Variants in SPIDR observed in about 807,000 individuals in gnomAD.
SPIDR encodes scaffold protein involved in DNA repair.
In SPIDR, 93 loss-of-function variants were observed where a neutral mutation model predicts 104.6. That is an observed-to-expected ratio of 0.89 (90% confidence interval 0.75 to 1.06). SPIDR has a LOEUF of 1.06. SPIDR is among the 50% of genes least tolerant of loss of function. The pLI is 0.00. For missense variants in SPIDR, 1,154 were observed against 1,111.2 expected, an observed-to-expected ratio of 1.04 and a Z score of -0.55; for synonymous variants, 431 against 416.9, an observed-to-expected ratio of 1.03 and a Z score of -0.41.
In SPIDR at chr8:47,427,549, A is replaced by T. The variant is rs1173592763; in HGVS notation, c.878-12774A>T. The stretch of plus-strand genomic sequence containing the variant: ...TAGTGATCCTTTTTCCTTGGACAAG[A>T]TTATCTGCCAACAGCCTGACAGGCT... On this transcript the variant is annotated intron_variant, in intron 7 of 19. Transcript: ENST00000297423. 2.6e-5 allele frequency among the ~76,000 whole-genome samples: 4 copies of T among 152,128 alleles called. No individual in the cohort carries two copies. In the East Asian group the frequency reaches 5.8e-4, roughly 22 times the overall value.
intron 3 of SPIDR, among the ~76,000 whole-genome samples, chr8:47,289,410 A>G (rs1326278150): frequency 2.0e-5 from 3 of 152,180 alleles, no homozygotes; most frequent in African/African-American, 4.8e-5. Flanking sequence ...TAAGATATAT[A>G]TGTACATATA....
intron 8 of SPIDR, among the ~76,000 whole-genome samples, chr8:47,459,038 A>G (rs2073497504): frequency 6.6e-6 from 1 of 152,048 alleles, no homozygotes; most frequent in African/African-American, 2.4e-5. Flanking sequence ...GGATGCGGTT[A>G]GCTAGTATTT....
chr8:47,382,075 G>A (rs943871865), intron 5 of SPIDR, among the ~76,000 whole-genome samples: 1 of 152,152 alleles, frequency 6.6e-6, no homozygotes, highest in Non-Finnish European at 1.5e-5. Context: ...ATTAAAGAAT[G>A]GTGTTTCATC....
intron 5 of SPIDR, among the ~76,000 whole-genome samples, chr8:47,300,152 A>G (rs1397194376): frequency 6.6e-6 from 1 of 152,168 alleles, no homozygotes; most frequent in African/African-American, 2.4e-5. Context: ...CCATTCAGAG[A>G]TTCAGCTTCT....
chr8:47,682,700 C>T (rs1373349869), intron 11 of SPIDR, among the ~76,000 whole-genome samples: 1 of 152,120 alleles, frequency 6.6e-6, no homozygotes, highest in African/African-American at 2.4e-5. Context: ...AACTTCTGGG[C>T]ATAATTCCAC....
At chr8:47,714,222 G>A (rs144319566) in intron 16 of SPIDR, among the ~76,000 whole-genome samples, 5 of 152,234 alleles carry the variant, frequency 3.3e-5, no homozygotes, top group Non-Finnish European at 7.4e-5. Flanking sequence ...GGGTGGCAGA[G>A]GTAGAGAAGG....
At chr8:47,639,561 C>T (rs550397739) in intron 10 of SPIDR, among the ~76,000 whole-genome samples, 11 of 151,844 alleles carry the variant, frequency 7.2e-5, no homozygotes, top group African/African-American at 2.2e-4. Context: ...TTCACTTCCA[C>T]GTATCAAATA....
At chr8:47,367,269 G>A (rs2057352576) in intron 5 of SPIDR, among the ~76,000 whole-genome samples, 1 of 152,202 alleles carries the variant, frequency 6.6e-6, no homozygotes, top group African/African-American at 2.4e-5. Flanking sequence ...TAGCCAACAA[G>A]GAAACAGGGA....
At chr8:47,719,729 C>T (rs993632252) in intron 16 of SPIDR, among the ~76,000 whole-genome samples, 12 of 151,954 alleles carry the variant, frequency 7.9e-5, no homozygotes, top group African/African-American at 2.9e-4. Flanking sequence ...CTCCTCACAC[C>T]CAGGGAAGCC....
chr8:47,471,474 G>A lies in SPIDR; in HGVS notation c.1097+30932G>A, dbSNP rs1042779653. 3.3e-5 allele frequency among the ~76,000 whole-genome samples: 5 copies of A among 152,190 alleles called. No homozygotes were observed. In the South Asian group the frequency reaches 6.2e-4, roughly 19 times the overall value. On this transcript the variant is annotated intron_variant, in intron 8 of 19. Coordinates refer to ENST00000297423, the MANE Select transcript of SPIDR (RefSeq NM_001080394.4). ...GGGTAATGCAAATCAAAGCCGCAAT[G>A]AAATACCACTTTTTGATCAAAGACC... is the stretch of plus-strand genomic sequence containing the variant.
chr8:47,663,077 T>A (rs1057169835), intron 10 of SPIDR, among the ~76,000 whole-genome samples: 17 of 152,208 alleles, frequency 1.1e-4, no homozygotes, highest in African/African-American at 3.4e-4. Flanking sequence ...CTAGCCTCCT[T>A]CCAGTTTCTC....
intron 6 of SPIDR, among the ~76,000 whole-genome samples, chr8:47,405,887 C>T (rs1351836744): frequency 6.6e-6 from 1 of 152,164 alleles, no homozygotes; most frequent in African/African-American, 2.4e-5. Flanking sequence ...GTGCATGTGA[C>T]TGGAATTCCC....
intron 7 of SPIDR, among the ~76,000 whole-genome samples, chr8:47,412,276 C>A (rs1439607657): frequency 1.3e-5 from 2 of 152,156 alleles, no homozygotes; most frequent in African/African-American, 2.4e-5. Context: ...ATTGATTCTT[C>A]CTACCCATGA....
At chr8:47,307,895 C>T (rs1405793282) in intron 5 of SPIDR, among the ~76,000 whole-genome samples, 1 of 151,942 alleles carries the variant, frequency 6.6e-6, no homozygotes, top group Non-Finnish European at 1.5e-5. Context: ...GGAAGGTCTG[C>T]CATCAGGTCT....
chr8:47,302,476 C>T (rs1554578169), intron 5 of SPIDR, among the ~76,000 whole-genome samples: 1 of 152,110 alleles, frequency 6.6e-6, no homozygotes, highest in African/African-American at 2.4e-5. Context: ...AGCTTTGTTC[C>T]GTTGCTGGTG....
At chr8:47,285,132 C>T (rs2038585793) in intron 3 of SPIDR, among the ~76,000 whole-genome samples, 2 of 152,312 alleles carry the variant, frequency 1.3e-5, no homozygotes, top group South Asian at 4.1e-4. Context: ...ATTAAAGGTG[C>T]TTCAGTAGGT....
At chr8:47,304,949 G>C (rs1222840835) in intron 5 of SPIDR, among the ~76,000 whole-genome samples, 2 of 152,174 alleles carry the variant, frequency 1.3e-5, no homozygotes, top group African/African-American at 4.8e-5. Context: ...TCTGTCCCTT[G>C]CTCTCACCCT....
chr8:47,589,786 T>C (rs544859686), intron 8 of SPIDR, among the ~76,000 whole-genome samples: 1 of 152,336 alleles, frequency 6.6e-6, no homozygotes, highest in African/African-American at 2.4e-5. Context: ...TTTCATTTTT[T>C]AGTCAATTCA....
intron 5 of SPIDR, among the ~76,000 whole-genome samples, chr8:47,350,685 T>C (rs1554621807): frequency 6.6e-6 from 1 of 152,226 alleles, no homozygotes; most frequent in African/African-American, 2.4e-5. Context: ...TCTAACATCT[T>C]TTCCTAGCTG....
Sources: gnomAD v4.1 joint callset for allele counts (sites outside exome capture counted in the v4.1 genomes callset) on GRCh38, gnomAD v4.1.1 for gene constraint, MANE v1.5 for transcripts, NCBI Gene and HGNC (gene_info 2026-07-23, HGNC 2026-07-21) for gene names.